GRM5: variants seen among roughly 807,000 people sequenced by gnomAD.
The protein encoded by GRM5 is metabotropic glutamate receptor 5.
In GRM5, 19 loss-of-function variants were observed where a neutral mutation model predicts 83.1. The observed-to-expected ratio is 0.23, with a 90% confidence interval of 0.16 to 0.34. GRM5 has a LOEUF of 0.34. GRM5 is among the 10% of genes least tolerant of loss of function. The pLI is 1.00. For missense variants in GRM5, 1,160 were observed against 1,588.3 expected (o/e 0.73, Z 4.58); for synonymous variants, 675 against 633.6 (o/e 1.07, Z -0.98).
At chr11:89,038,478 CAG>C (rs1490444515) in intron 2 of GRM5, among the ~76,000 whole-genome samples, 1 of 152,136 alleles carries the variant, frequency 6.6e-6, no homozygotes, top group Non-Finnish European at 1.5e-5. Flanking sequence ...ATCTGAAGGA[CAG>C]AGTGTGGAGC....
intron 8 of GRM5, among the ~76,000 whole-genome samples, chr11:88,560,654 G>T (rs1942733195): frequency 2.6e-5 from 4 of 152,168 alleles, no homozygotes; most frequent in Admixed American, 2.6e-4. Flanking sequence ...TGAGCTCCAT[G>T]AGGTGCTGCC....
At chr11:88,876,488 T>A (rs1283238607) in intron 2 of GRM5, among the ~76,000 whole-genome samples, 2 of 152,152 alleles carry the variant, frequency 1.3e-5, no homozygotes, top group Non-Finnish European at 2.9e-5. Flanking sequence ...TTTTTAAATT[T>A]TTCTTCAAAA....
At chr11:88,635,137 G>A (rs1448757315) in intron 4 of GRM5, among the ~76,000 whole-genome samples, 1 of 152,150 alleles carries the variant, frequency 6.6e-6, no homozygotes, top group East Asian at 1.9e-4. Flanking sequence ...TGAGCATTGG[G>A]TACAGATACC....
chr11:88,928,725 T>A (rs951660932), intron 2 of GRM5, among the ~76,000 whole-genome samples: 1 of 151,962 alleles, frequency 6.6e-6, no homozygotes, highest in Non-Finnish European at 1.5e-5. Context: ...TGTTTAGATA[T>A]TTTATTAAAT....
intron 3 of GRM5, among the ~76,000 whole-genome samples, chr11:88,719,316 T>C (rs1396588112): frequency 6.6e-6 from 1 of 152,042 alleles, no homozygotes; most frequent in East Asian, 1.9e-4. Flanking sequence ...GAACATGCAG[T>C]GTTTGGTTTT....
chr11:88,720,073 C>G (rs575725840), intron 3 of GRM5, among the ~76,000 whole-genome samples: 1 of 151,892 alleles, frequency 6.6e-6, no homozygotes, highest in Non-Finnish European at 1.5e-5. Context: ...TTGCTTGACT[C>G]TCTTCCCTAA....
intron 3 of GRM5, among the ~76,000 whole-genome samples, chr11:88,741,088 G>T (rs1359987846): frequency 6.6e-6 from 1 of 152,054 alleles, no homozygotes; most frequent in African/African-American, 2.4e-5. Context: ...CAGACAAAGA[G>T]TTGGGAAACT....
chr11:88,939,242 GTTTTGT>G (rs934612708), intron 2 of GRM5, among the ~76,000 whole-genome samples: 6 of 151,598 alleles, frequency 4.0e-5, no homozygotes, highest in African/African-American at 9.7e-5. Context: ...ACTCAATTTT[GTTTTGT>G]TTTTAACTAC....
In GRM5 at chr11:88,970,800, A is replaced by T. The variant is rs369013818; in HGVS notation, c.661+76412T>A. On this transcript the variant is annotated intron_variant, in intron 2 of 9. Transcript: ENST00000305447. ...TGTACACAATATGTAGGCAGTGGGA[A>T]GTGGGCAGTGGGCAGTGGTATGTAG... 7.9e-5 allele frequency among the ~76,000 whole-genome samples: 12 copies of T among 152,280 alleles called. No homozygotes were observed. In the South Asian group the frequency reaches 2.1e-3, roughly 26 times the overall value.
chr11:88,843,686 G>A (rs977176971), intron 3 of GRM5, among the ~76,000 whole-genome samples: 2 of 152,190 alleles, frequency 1.3e-5, no homozygotes, highest in African/African-American at 4.8e-5. Flanking sequence ...TAATGAGGAA[G>A]GTAAGGTGGA....
chr11:88,891,039 A>G (rs1258083968), intron 2 of GRM5, among the ~76,000 whole-genome samples: 1 of 152,130 alleles, frequency 6.6e-6, no homozygotes, highest in African/African-American at 2.4e-5. Flanking sequence ...TGGTCTTTTC[A>G]TAAACTGAGC....
intron 4 of GRM5, among the ~76,000 whole-genome samples, chr11:88,634,295 T>C (rs1939059524): frequency 3.9e-5 from 6 of 152,164 alleles, no homozygotes; most frequent in Admixed American, 3.9e-4. Context: ...ATTATTTTTC[T>C]TTCTTCAAAT....
At position 88,508,666 on chromosome 11, in the gene GRM5, G is replaced by A; in HGVS notation, c.3565C>T (p.Leu1189Phe). Residue 1189 changes from leucine to phenylalanine, a missense_variant, in exon 10 of 10, where the codon CTC (leucine) becomes TTC (phenylalanine). By Grantham distance (22) the Leu-to-Phe change is conservative. Around this residue, in one of 9 missense-constraint regions of GRM5, gnomAD observed 562 missense variants for 532.4 expected, o/e 1.06. Transcript: ENST00000305447. The surrounding 1 kb of genome is among the most constrained non-coding windows in gnomAD (Gnocchi z 4.2). ...TATTTGGGAGACGACGGGATACAGA[G>A]GGCCGACTCGGACACTGGCGAGTTG... Reference protein sequence around the residue: ...TPNSPVSESALCIPSSPKYDT... With the variant: ...TPNSPVSESAFCIPSSPKYDT... 6.2e-7 allele frequency: 1 copy of A among 1,609,514 alleles called. No individual in the cohort carries two copies. Among genetic ancestry groups the A allele is most frequent in the Non-Finnish European group, 8.5e-7 (1 of 1,178,002 alleles).
intron 8 of GRM5, among the ~76,000 whole-genome samples, chr11:88,535,548 C>A (rs1942114120): frequency 1.3e-5 from 2 of 152,108 alleles, no homozygotes; most frequent in African/African-American, 4.8e-5. Flanking sequence ...ACTGAATTAG[C>A]CTTTTTAGTG....
intron 3 of GRM5, among the ~76,000 whole-genome samples, chr11:88,812,053 G>A (rs753926599): frequency 3.3e-5 from 5 of 152,174 alleles, no homozygotes; most frequent in Non-Finnish European, 5.9e-5. Context: ...GGTTACAAAA[G>A]GAAGGTGAAG....
Position 88,567,279 on chromosome 11 carries a change from T to C in GRM5, c.2404A>G (p.Met802Val). Residue 802 changes from methionine to valine, a missense_variant, in exon 8 of 10, where the codon ATG (methionine) becomes GTG (valine). Physicochemically the swap from Met to Val is conservative, Grantham distance 21 (BLOSUM62 1). Around this residue, in one of 9 missense-constraint regions of GRM5, gnomAD observed 66 missense variants for 138.6 expected, o/e 0.48. Coordinates refer to ENST00000305447, the MANE Select transcript of GRM5 (RefSeq NM_001143831.3). This position sits in a 1 kb window ranked among gnomAD's most constrained non-coding sequence, Gnocchi z 7.3. ...YFGSNYKIIT[M>V]CFSVSLSATV... Reference sequence around the variant, plus strand: ...GCACTGAGGCTGACCGAGAAACACATGGTGATGATTTTGTAGTTGCTGCCA... The same window carrying C: ...GCACTGAGGCTGACCGAGAAACACACGGTGATGATTTTGTAGTTGCTGCCA... 1.9e-6 allele frequency: 3 copies of C among 1,613,884 alleles called. No individual in the cohort carries two copies. The highest frequency in any genetic ancestry group is 2.5e-6 in the Non-Finnish European group (3 of 1,179,790).
rs187404741 is a variant in GRM5 at position 88,558,122 on chromosome 11, A to C, written c.2630+8931T>G. 4.9e-4 allele frequency among the ~76,000 whole-genome samples: 74 copies of C among 152,274 alleles called. No individual in the cohort carries two copies. In the East Asian group the frequency reaches 7.9e-3, roughly 16 times the overall value. ...TCTCCCAGAACTCAGCAATGTACCC[A>C]GTATATAATGATTATTCTAAAAACT... On this transcript the variant is annotated intron_variant, in intron 8 of 9. Transcript: ENST00000305447.
chr11:88,922,274 A>G (rs1945706427), intron 2 of GRM5, among the ~76,000 whole-genome samples: 1 of 152,174 alleles, frequency 6.6e-6, no homozygotes. Context: ...CAGAACAGCC[A>G]ACGCTATCCT....
chr11:88,986,432 T>C (rs1330524400), intron 2 of GRM5, among the ~76,000 whole-genome samples: 1 of 152,182 alleles, frequency 6.6e-6, no homozygotes, highest in Non-Finnish European at 1.5e-5. Context: ...ACTGTATTAA[T>C]GTCAATATCC....
Sources: allele counts gnomAD v4.1 joint callset (sites outside exome capture counted in the v4.1 genomes callset), GRCh38; gene constraint gnomAD v4.1.1; regional missense constraint gnomAD v4.1.1; non-coding constraint Gnocchi (gnomAD v3.1); transcripts MANE v1.5; gene names NCBI Gene and HGNC (gene_info 2026-07-23, HGNC 2026-07-21).